The following AVEN variants were observed in gnomAD, a reference collection of about 807,000 sequenced individuals.
The protein encoded by AVEN is apoptosis and caspase activation inhibitor, also known as cell death regulator Aven.
In AVEN, 41 loss-of-function variants were observed where a neutral mutation model predicts 38.1. That is an observed-to-expected ratio of 1.08 (90% CI 0.84 to 1.40). AVEN has a LOEUF of 1.40. Among genes scored for constraint, AVEN ranks in the 40% most tolerant of loss-of-function variants. AVEN has a pLI of 0.00. For synonymous variants in AVEN, 206 were observed against 171.8 expected (o/e 1.20, Z -1.56); for missense variants, 605 against 438.8 (o/e 1.38, Z -3.38).
rs1898414956 is a variant in AVEN at position 34,025,449 on chromosome 15, G to A, written c.267+13331C>T. On this transcript the variant is annotated intron_variant, in intron 1 of 5. Transcript: ENST00000306730. ...CAGAGAAGTAGACTAGAGTGGTTAG[G>A]ATGCCATGGTAACTGCCATAGTGAA... is the stretch of plus-strand genomic sequence containing the variant. Among the ~76,000 whole-genome samples, 3 of 152,172 alleles carry A rather than the reference G, an allele frequency of 2.0e-5. 1 individual carries two copies. Among genetic ancestry groups the A allele is most frequent in the South Asian group, 4.1e-4 (2 of 4,834 alleles).
chr15:33,859,536 G>C, intron 11 of AVEN: 2 of 1,611,212 alleles, frequency 1.2e-6, no homozygotes, highest in Non-Finnish European at 1.7e-6. Flanking sequence ...AAACAGAACT[G>C]TGACTTTTGC....
intron 2 of AVEN, among the ~76,000 whole-genome samples, chr15:33,969,421 CT>C (rs1341005914): frequency 2.0e-5 from 3 of 151,498 alleles, no homozygotes; most frequent in African/African-American, 4.8e-5. Context: ...TATTTAATAG[CT>C]TGAAAAAAAT....
chr15:33,989,748 C>G (rs1896637368), intron 2 of AVEN, among the ~76,000 whole-genome samples: 1 of 151,886 alleles, frequency 6.6e-6, no homozygotes, highest in Non-Finnish European at 1.5e-5. Flanking sequence ...TATCAACTTC[C>G]AATTAAATAT....
At chr15:33,917,435 T>C (rs933150134) in intron 2 of AVEN, among the ~76,000 whole-genome samples, 2 of 149,008 alleles carry the variant, frequency 1.3e-5, no homozygotes, top group Non-Finnish European at 3.0e-5. Context: ...ACTATATATA[T>C]ACACACATAT....
intron 2 of AVEN, among the ~76,000 whole-genome samples, chr15:33,944,452 G>A (rs1483776643): frequency 6.6e-6 from 1 of 152,124 alleles, no homozygotes; most frequent in African/African-American, 2.4e-5. Flanking sequence ...TCTGGACAAA[G>A]TTTCCATGTT....
chr15:34,016,875 T>C (rs1055970256), intron 1 of AVEN, among the ~76,000 whole-genome samples: 2 of 152,146 alleles, frequency 1.3e-5, no homozygotes, highest in African/African-American at 2.4e-5. Flanking sequence ...ACGCCTGTAA[T>C]TGCAGCACTT....
In AVEN at chr15:33,968,844, T is replaced by C. The variant is rs188366019; in HGVS notation, c.445+34188A>G. ...ACCAGGATTTCTCATTGCTGAAGCA[T>C]TCAATGAATCTTTAATAAGTTCTCA... is the stretch of plus-strand genomic sequence containing the variant. On this transcript the variant is annotated intron_variant, in intron 2 of 5. Coordinates refer to ENST00000306730, the MANE Select transcript of AVEN (RefSeq NM_020371.3). 8 of 152,240 alleles carry C rather than the reference T, an allele frequency of 5.3e-5. No homozygotes were observed. The East Asian group carries it at 1.4e-3, about 26-fold the overall frequency. 9.4% of individuals were successfully genotyped at this position (152,240 alleles called of 1,614,324 possible).
At chr15:33,973,926 G>C (rs1185065390) in intron 2 of AVEN, among the ~76,000 whole-genome samples, 1 of 152,088 alleles carries the variant, frequency 6.6e-6, no homozygotes, top group African/African-American at 2.4e-5. Flanking sequence ...ATATACCTCA[G>C]CTGCATTTCA....
chr15:33,854,164 C>G (rs1216209019), downstream of AVEN, among the ~76,000 whole-genome samples: 1 of 148,628 alleles, frequency 6.7e-6, no homozygotes, highest in Non-Finnish European at 1.5e-5. Flanking sequence ...CCACTACACT[C>G]CAGCCTGGGT....
chr15:34,057,139 TTG>T (rs1900185378), intron 5 of AVEN, among the ~76,000 whole-genome samples: 1 of 52,808 alleles, frequency 1.9e-5, no homozygotes, highest in Non-Finnish European at 9.2e-5. Context: ...TTGGTTTTTT[TTG>T]GTTTTTTTTT....
At chr15:33,865,591 C>CACTTGAATGTCATCATG (rs1484824284), downstream of AVEN, 2 of 191,126 alleles carry the variant, frequency 1.0e-5, no homozygotes, top group African/African-American at 4.7e-5. Context: ...AAAATTTAAA[C>CACTTGAATGTCATCATG]ACTTGAATGT....
At chr15:33,853,761 C>T in the AVEN span, 12 of 1,532,252 alleles carry the variant, frequency 7.8e-6, no homozygotes, top group Non-Finnish European at 1.1e-5. Flanking sequence ...AAAATCACAA[C>T]CGTGTCTTTG....
intron 1 of AVEN, among the ~76,000 whole-genome samples, chr15:34,038,323 G>C (rs1281073197): frequency 6.6e-6 from 1 of 152,222 alleles, no homozygotes; most frequent in African/African-American, 2.4e-5. Context: ...TGCACAGACA[G>C]TTAACAAAAC....
At chr15:33,879,257 A>G (rs1803634694) in intron 2 of AVEN, among the ~76,000 whole-genome samples, 1 of 151,852 alleles carries the variant, frequency 6.6e-6, no homozygotes, top group Non-Finnish European at 1.5e-5. Flanking sequence ...TTGTAGGGAC[A>G]TGGATGAAAT....
chr15:33,918,122 A>T (rs1380995520), intron 2 of AVEN, among the ~76,000 whole-genome samples: 1 of 152,202 alleles, frequency 6.6e-6, no homozygotes, highest in Non-Finnish European at 1.5e-5. Context: ...TTTCATAATG[A>T]AATATGCAAC....
At chr15:33,865,216 A>G, downstream of AVEN, 3 of 1,612,428 alleles carry the variant, frequency 1.9e-6, no homozygotes, top group South Asian at 2.2e-5. Flanking sequence ...TATGAAGATC[A>G]GCTTGGATAA....
intron 2 of AVEN, among the ~76,000 whole-genome samples, chr15:34,068,928 C>T (rs1354467239): frequency 1.3e-5 from 2 of 151,910 alleles, no homozygotes; most frequent in African/African-American, 4.8e-5. Flanking sequence ...TCTCCTGCCT[C>T]AGCCTCCCCA....
At chr15:33,927,872 G>C (rs1431746151) in intron 2 of AVEN, among the ~76,000 whole-genome samples, 1 of 152,108 alleles carries the variant, frequency 6.6e-6, no homozygotes, top group Non-Finnish European at 1.5e-5. Flanking sequence ...TATTTAATGT[G>C]GTTTCTGTAG....
chr15:33,864,990 G>A (rs535761176), downstream of AVEN: 12 of 621,256 alleles, frequency 1.9e-5, no homozygotes, highest in Admixed American at 2.8e-4. Context: ...GCTGGGAATA[G>A]AGCAAGAATG....
Sources: allele counts gnomAD v4.1 joint callset (sites outside exome capture counted in the v4.1 genomes callset), GRCh38; gene constraint gnomAD v4.1.1; transcripts MANE v1.5; gene names NCBI Gene and HGNC (gene_info 2026-07-23, HGNC 2026-07-21).